The following CCDC122 variants were observed in gnomAD, a reference collection of about 807,000 sequenced individuals.
CCDC122 encodes the protein coiled-coil domain containing 122.
A neutral mutation model predicts 37.0 loss-of-function variants in CCDC122; 38 were observed. The observed-to-expected ratio is 1.03, with a 90% CI of 0.79 to 1.35. The LOEUF (loss-of-function observed/expected upper bound fraction) is 1.35, where lower values mean the gene tolerates loss of function less well. CCDC122 is among the 40% of genes most tolerant of loss of function. The pLI, the probability that CCDC122 is intolerant of heterozygous loss-of-function variation, is 0.00. For missense variants in CCDC122, 305 were observed against 310.0 expected (o/e 0.98, Z 0.12); for synonymous variants, 83 against 95.6 (o/e 0.87, Z 0.77).
chr13:43,840,462 T>A (rs953311594), intron 6 of CCDC122, among the ~76,000 whole-genome samples: 7 of 152,090 alleles, frequency 4.6e-5, no homozygotes, highest in Non-Finnish European at 1.0e-4. Context: ...ATGTGCCATG[T>A]TGGTTTGCTG....
chr13:43,845,382 T>C (rs907674191), intron 6 of CCDC122, among the ~76,000 whole-genome samples: 9 of 152,248 alleles, frequency 5.9e-5, no homozygotes, highest in African/African-American at 1.4e-4. Context: ...TTTCCATTTC[T>C]AGTCCTTTCC....
At chr13:43,878,633 G>A (rs543909915) in intron 1 of CCDC122, among the ~76,000 whole-genome samples, 34 of 152,266 alleles carry the variant, frequency 2.2e-4, no homozygotes, top group Non-Finnish European at 4.0e-4. Flanking sequence ...CTCTTGGAAG[G>A]TCGGATATTT....
chr13:43,829,190 C>T (rs2060677798), intron 3 of CCDC122, among the ~76,000 whole-genome samples: 1 of 152,226 alleles, frequency 6.6e-6, no homozygotes, highest in South Asian at 2.1e-4. Context: ...TAGATCCATA[C>T]TCCTTTCTAA....
intron 2 of CCDC122, among the ~76,000 whole-genome samples, chr13:43,872,217 C>T (rs1051475722): frequency 6.6e-6 from 1 of 151,976 alleles, no homozygotes. Flanking sequence ...TACACATTCC[C>T]TTAGCCCTTC....
chr13:43,871,749 C>T (rs1954459527), intron 2 of CCDC122, among the ~76,000 whole-genome samples: 1 of 152,232 alleles, frequency 6.6e-6, no homozygotes, highest in African/African-American at 2.4e-5. Context: ...CATCCTCAAG[C>T]CACTAAGTCT....
chr13:43,849,519 G>C (rs990656871), intron 6 of CCDC122, among the ~76,000 whole-genome samples: 1 of 152,168 alleles, frequency 6.6e-6, no homozygotes, highest in Non-Finnish European at 1.5e-5. Flanking sequence ...GTAATGTCCT[G>C]GGTTTTCTTT....
chr13:43,867,860 C>G (rs1026083463), intron 4 of CCDC122, among the ~76,000 whole-genome samples: 21 of 152,150 alleles, frequency 1.4e-4, no homozygotes, highest in African/African-American at 4.8e-4. Context: ...CATGATAATA[C>G]AATTATTGTC....
At chr13:43,874,527 T>A (rs528404482) in intron 2 of CCDC122, among the ~76,000 whole-genome samples, 3 of 152,328 alleles carry the variant, frequency 2.0e-5, no homozygotes, top group Non-Finnish European at 4.4e-5. Context: ...AAGTAACTAG[T>A]ACTTCTTGAT....
intron 4 of CCDC122, among the ~76,000 whole-genome samples, chr13:43,867,901 G>A (rs1867629): frequency 0.89 from 135,457 of 151,832 alleles, 61,199 homozygotes; most frequent in South Asian, 0.98. Flanking sequence ...CTTAAAACCA[G>A]TGATACTTAA....
Position 43,858,811 on chromosome 13 carries a change from C to A in CCDC122, c.642G>T (p.Lys214Asn). ...TTTCTTTTCTTAATTTTTCATGTGT[C>A]TTTTTTTCTTCCTCAAGAAAACAAG... ...EKTCFLEEEKKTHEKLRKEIE... is the reference protein window; with the variant it reads ...EKTCFLEEEKNTHEKLRKEIE... Residue 214 changes from lysine to asparagine, a missense_variant, in exon 6 of 7, where the codon AAG (lysine) becomes AAT (asparagine). Physicochemically the swap from Lys to Asn is moderately conservative, Grantham distance 94. Coordinates refer to ENST00000444614, the MANE Select transcript of CCDC122 (RefSeq NM_144974.5). 1 of 1,424,362 alleles carries A rather than the reference C, an allele frequency of 7.0e-7. No individual in the cohort carries two copies. The highest frequency in any genetic ancestry group is 2.2e-5 in the Admixed American group (1 of 44,778). 88.2% of individuals were successfully genotyped at this position (1,424,362 alleles called of 1,614,324 possible).
chr13:43,849,036 G>A (rs868785495), intron 6 of CCDC122: 37 of 947,004 alleles, frequency 3.9e-5, no homozygotes, highest in Non-Finnish European at 4.2e-5. Context: ...AAAATGTAAC[G>A]TTTTAAGAAA....
chr13:43,861,131 T>A (rs1256815828), intron 4 of CCDC122, among the ~76,000 whole-genome samples: 1 of 152,216 alleles, frequency 6.6e-6, no homozygotes, highest in Non-Finnish European at 1.5e-5. Context: ...TTAAATTGGC[T>A]TTAACTGGGC....
At chr13:43,824,716 C>T (rs1442866830) in intron 3 of CCDC122, among the ~76,000 whole-genome samples, 1 of 152,088 alleles carries the variant, frequency 6.6e-6, no homozygotes, top group Non-Finnish European at 1.5e-5. Flanking sequence ...AAAAAATCAA[C>T]CCCATTAAAA....
downstream of CCDC122, among the ~76,000 whole-genome samples, chr13:43,835,226 C>T (rs555012808): frequency 6.6e-4 from 101 of 152,126 alleles, no homozygotes; most frequent in African/African-American, 1.8e-3. Flanking sequence ...AACCAAACAC[C>T]GCGTGTTCTC....
chr13:43,866,328 C>G (rs1954276177), intron 4 of CCDC122, among the ~76,000 whole-genome samples: 1 of 152,138 alleles, frequency 6.6e-6, no homozygotes, highest in East Asian at 1.9e-4. Context: ...TCCAGAGAAT[C>G]AGAAAATTGG....
chr13:43,865,540 A>G (rs1954250248), intron 4 of CCDC122, among the ~76,000 whole-genome samples: 1 of 152,200 alleles, frequency 6.6e-6, no homozygotes, highest in Non-Finnish European at 1.5e-5. Flanking sequence ...AACAATAACA[A>G]CAAAATAATT....
intron 4 of CCDC122, among the ~76,000 whole-genome samples, chr13:43,866,992 T>C (rs563302744): frequency 6.6e-6 from 1 of 152,290 alleles, no homozygotes; most frequent in East Asian, 1.9e-4. Context: ...AGACATCTTT[T>C]TCTTTTTCCT....
intron 6 of CCDC122, among the ~76,000 whole-genome samples, chr13:43,844,005 GTTGA>G (rs1220671704): frequency 6.6e-6 from 1 of 151,564 alleles, no homozygotes; most frequent in Non-Finnish European, 1.5e-5. Flanking sequence ...TTTTGACTTT[GTTGA>G]TTGTTTTCTC....
At chr13:43,829,350 G>A (rs1454119976) in intron 3 of CCDC122, among the ~76,000 whole-genome samples, 1 of 152,100 alleles carries the variant, frequency 6.6e-6, no homozygotes, top group African/African-American at 2.4e-5. Flanking sequence ...CTATCACCCA[G>A]GCTGGAGTAC....
Sources: allele counts gnomAD v4.1 joint callset (sites outside exome capture counted in the v4.1 genomes callset), GRCh38; gene constraint gnomAD v4.1.1; transcripts MANE v1.5; gene names NCBI Gene and HGNC (gene_info 2026-07-23, HGNC 2026-07-21).